WLS: variants seen among roughly 807,000 people sequenced by gnomAD.
WLS encodes the protein Wnt ligand secretion mediator.
WLS carries 23 observed loss-of-function variants against 62.8 expected under a neutral mutation model. That is an observed-to-expected ratio of 0.37 (90% confidence interval 0.26 to 0.52). The LOEUF (loss-of-function observed/expected upper bound fraction) is 0.52, where lower values mean the gene tolerates loss of function less well. Among genes scored for constraint, WLS ranks in the 20% least tolerant of loss-of-function variants. WLS has a pLI of 0.92. For synonymous variants in WLS, 246 were observed against 244.1 expected (o/e 1.01, Z -0.07); for missense variants, 615 against 697.3 (o/e 0.88, Z 1.33).
At chr1:68,106,793 AT>A (rs1646153066) in intron 11 of WLS, among the ~76,000 whole-genome samples, 1 of 151,854 alleles carries the variant, frequency 6.6e-6, no homozygotes, top group Non-Finnish European at 1.5e-5. Context: ...GGCTACTGGT[AT>A]GCAGTGTCCA....
intron 11 of WLS, among the ~76,000 whole-genome samples, chr1:68,106,734 GTGTGTGTGTGTGTGTGTA>G (rs1230503317): frequency 1.4e-5 from 1 of 73,392 alleles, no homozygotes; most frequent in African/African-American, 4.4e-5. Context: ...GTGTGTGTGT[GTGTGTGTGTGTGTGTGTA>G]TGTGTGGGTA....
At chr1:68,136,517 AC>A (rs1229057356) in intron 11 of WLS, among the ~76,000 whole-genome samples, 2 of 151,928 alleles carry the variant, frequency 1.3e-5, no homozygotes, top group African/African-American at 4.8e-5. Context: ...TGCTGTTACC[AC>A]CCCCCGCTTT....
intron 1 of WLS, among the ~76,000 whole-genome samples, chr1:68,221,290 G>A (rs71649060): frequency 0.034 from 5,200 of 152,212 alleles, 110 homozygotes; most frequent in Non-Finnish European, 0.041. Flanking sequence ...ACAGTTGCCT[G>A]TCACAGCCAA....
At chr1:68,231,954 T>G in intron 1 of WLS, 8 of 406,634 alleles carry the variant, frequency 2.0e-5, no homozygotes, top group East Asian at 1.3e-4. Flanking sequence ...CGCCCCCCTC[T>G]TGCCTTTCAA....
At chr1:68,118,875 CAAAAAAAAAAAAAAAAAA>C (rs33982774) in intron 11 of WLS, among the ~76,000 whole-genome samples, 3 of 26,384 alleles carry the variant, frequency 1.1e-4, no homozygotes, top group African/African-American at 3.7e-4. Context: ...GACTCTGTCT[CAAAAAAAAAAAAAAAAAA>C]AAAAAAAAAG....
intron 2 of WLS, among the ~76,000 whole-genome samples, chr1:68,182,127 T>C (rs1297742229): frequency 6.6e-6 from 1 of 152,220 alleles, no homozygotes; most frequent in African/African-American, 2.4e-5. Flanking sequence ...TAGAAGAAAG[T>C]GTATGTAACT....
chr1:68,180,078 A>T (rs1647465300), intron 2 of WLS, among the ~76,000 whole-genome samples: 1 of 151,988 alleles, frequency 6.6e-6, no homozygotes, highest in African/African-American at 2.4e-5. Context: ...AACAAAGACA[A>T]GCAACAGCAT....
At chr1:68,143,685 G>T (rs1467557901) in intron 10 of WLS, among the ~76,000 whole-genome samples, 2 of 152,124 alleles carry the variant, frequency 1.3e-5, no homozygotes, top group African/African-American at 4.8e-5. Flanking sequence ...ATACCATCTA[G>T]GTTTGTGTAA....
chr1:68,225,656 C>T (rs567115965), intron 1 of WLS, among the ~76,000 whole-genome samples: 1 of 152,218 alleles, frequency 6.6e-6, no homozygotes, highest in East Asian at 1.9e-4. Flanking sequence ...TTTAAAAGGC[C>T]CTCGTTATTA....
At chr1:68,144,215 T>C (rs1167091124) in intron 10 of WLS, among the ~76,000 whole-genome samples, 1 of 152,250 alleles carries the variant, frequency 6.6e-6, no homozygotes, top group Non-Finnish European at 1.5e-5. Flanking sequence ...GCTGATGGAC[T>C]GTATAAGGAT....
chr1:68,208,923 C>T (rs1372274898), intron 1 of WLS, among the ~76,000 whole-genome samples: 1 of 152,172 alleles, frequency 6.6e-6, no homozygotes, highest in East Asian at 1.9e-4. Flanking sequence ...CTGGGCTTCT[C>T]ACAATCAGAG....
intron 2 of WLS, chr1:68,162,403 T>C: frequency 6.2e-7 from 1 of 1,613,874 alleles, no homozygotes; most frequent in Non-Finnish European, 8.5e-7. Context: ...CAGCAAATCC[T>C]ACAGAGTGTA....
chr1:68,133,853 CCTTTT>C (rs1646567137), intron 11 of WLS, among the ~76,000 whole-genome samples: 1 of 152,224 alleles, frequency 6.6e-6, no homozygotes, highest in Non-Finnish European at 1.5e-5. Context: ...AGATTCTTTC[CCTTTT>C]CTTATTGCCT....
chr1:68,216,355 G>A (rs528311619), intron 1 of WLS, among the ~76,000 whole-genome samples: 12 of 152,182 alleles, frequency 7.9e-5, no homozygotes, highest in Non-Finnish European at 1.6e-4. Context: ...TTAGAGTGTT[G>A]TTGGGAAGAT....
chr1:68,214,182 A>AACAC (rs71581159), intron 1 of WLS, among the ~76,000 whole-genome samples: 3,070 of 146,572 alleles, frequency 0.021, 85 homozygotes, highest in African/African-American at 0.062. Flanking sequence ...GTGATCTCTG[A>AACAC]ACACACACAC....
At chr1:68,131,331 G>A (rs1413337590) in intron 11 of WLS, among the ~76,000 whole-genome samples, 2 of 152,078 alleles carry the variant, frequency 1.3e-5, no homozygotes, top group Non-Finnish European at 2.9e-5. Context: ...TACTCTGCAT[G>A]GCTGGGTCTA....
Position 68,128,902 on chromosome 1 carries a change from A to G in WLS, c.1517-2567T>C, listed in dbSNP as rs1181791483. Among the ~76,000 whole-genome samples, 9 of 150,304 alleles carry G rather than the reference A, an allele frequency of 6.0e-5. 1 individual carries two copies. The highest frequency in any genetic ancestry group is 2.2e-4 in the African/African-American group (9 of 41,332). ...GCTAAATAGTGTGTGGGATTCAAAT[A>G]AATAGGTGCCAGGATGCAGGCTCTC... On this transcript the variant is annotated intron_variant, in intron 11 of 11. Coordinates refer to ENST00000262348, the MANE Select transcript of WLS (RefSeq NM_024911.7).
chr1:68,228,516 C>T (rs2100673917), intron 1 of WLS, among the ~76,000 whole-genome samples: 1 of 152,162 alleles, frequency 6.6e-6, no homozygotes, highest in Non-Finnish European at 1.5e-5. Flanking sequence ...GCTAAATTCA[C>T]CCAACATGAA....
intron 1 of WLS, among the ~76,000 whole-genome samples, chr1:68,218,742 A>C (rs1213555228): frequency 1.3e-5 from 2 of 152,136 alleles, no homozygotes; most frequent in East Asian, 1.9e-4. Flanking sequence ...GTGTGCAGGA[A>C]CCTGGAGGAA....
Sources: gnomAD v4.1 joint callset for allele counts (sites outside exome capture counted in the v4.1 genomes callset) on GRCh38, gnomAD v4.1.1 for gene constraint, MANE v1.5 for transcripts, NCBI Gene and HGNC (gene_info 2026-07-23, HGNC 2026-07-21) for gene names.